Variants in GABRB1 observed in about 807,000 individuals in gnomAD.
The protein encoded by GABRB1 is gamma-aminobutyric acid type A receptor subunit beta1.
Under a neutral mutation model 51.6 loss-of-function variants are expected in GABRB1, and 17 were observed. The ratio of observed to expected loss-of-function variants is 0.33; its 90% CI spans 0.23 to 0.49. The LOEUF is 0.49. Among genes scored for constraint, GABRB1 ranks in the 20% least tolerant of loss-of-function variants. The pLI is 0.99. For synonymous variants in GABRB1, 247 were observed against 218.9 expected (o/e 1.13, Z -1.14); for missense variants, 410 against 600.6 (o/e 0.68, Z 3.32).
chr4:47,296,288 G>C (rs1432152202), intron 4 of GABRB1, among the ~76,000 whole-genome samples: 1 of 152,118 alleles, frequency 6.6e-6, no homozygotes, highest in South Asian at 2.1e-4. Context: ...TGAGCTAAAT[G>C]CTCCAATTAG....
chr4:47,310,126 C>T (rs1293549162), intron 4 of GABRB1, among the ~76,000 whole-genome samples: 4 of 152,160 alleles, frequency 2.6e-5, no homozygotes, highest in African/African-American at 9.7e-5. Context: ...TCTTGCATTG[C>T]AATCCTGAGT....
intron 4 of GABRB1, among the ~76,000 whole-genome samples, chr4:47,298,770 T>C (rs971889071): frequency 4.6e-5 from 7 of 152,154 alleles, no homozygotes; most frequent in East Asian, 1.9e-4. Flanking sequence ...AAAAAGAACC[T>C]GCATTGCCAA....
At chr4:47,164,505 C>T (rs768336793) in intron 4 of GABRB1, among the ~76,000 whole-genome samples, 30 of 152,072 alleles carry the variant, frequency 2.0e-4, no homozygotes, top group Non-Finnish European at 4.0e-4. Flanking sequence ...TCCTTTCCAT[C>T]AGTCCAGCTC....
At chr4:47,137,394 C>T (rs912825203) in intron 3 of GABRB1, among the ~76,000 whole-genome samples, 19 of 152,000 alleles carry the variant, frequency 1.3e-4, no homozygotes, top group African/African-American at 4.3e-4. Flanking sequence ...ACAGAACAGA[C>T]AGGTGATAAA....
At chr4:47,094,012 C>G in intron 3 of GABRB1, among the ~76,000 whole-genome samples, 1 of 151,726 alleles carries the variant, frequency 6.6e-6, no homozygotes, top group Admixed American at 6.6e-5. Flanking sequence ...TATTCCATAA[C>G]ATTCTCCCAG....
At chr4:47,177,730 T>G (rs1008774525) in intron 4 of GABRB1, among the ~76,000 whole-genome samples, 3 of 152,022 alleles carry the variant, frequency 2.0e-5, no homozygotes, top group Non-Finnish European at 4.4e-5. Flanking sequence ...TCTCTGAGCC[T>G]CAGTTTCCTC....
At chr4:47,084,677 A>T (rs1299034675) in intron 3 of GABRB1, among the ~76,000 whole-genome samples, 7 of 152,158 alleles carry the variant, frequency 4.6e-5, no homozygotes, top group Admixed American at 1.3e-4. Context: ...TGAGCTTCCC[A>T]TCTCTCAGGT....
chr4:47,154,098 G>A (rs1236161396), intron 3 of GABRB1, among the ~76,000 whole-genome samples: 1 of 152,036 alleles, frequency 6.6e-6, no homozygotes, highest in African/African-American at 2.4e-5. Flanking sequence ...TTCTGCTTTA[G>A]AATGTACTTA....
At chr4:47,415,213 A>C (rs1433768076) in intron 8 of GABRB1, among the ~76,000 whole-genome samples, 1 of 152,224 alleles carries the variant, frequency 6.6e-6, no homozygotes, top group Non-Finnish European at 1.5e-5. Context: ...AACTGGTTTA[A>C]GAATAAAAGA....
intron 5 of GABRB1, among the ~76,000 whole-genome samples, chr4:47,339,514 G>A (rs1265194758): frequency 1.3e-5 from 2 of 150,332 alleles, no homozygotes; most frequent in Non-Finnish European, 2.9e-5. Context: ...AGAAAGTAAT[G>A]ACATATTTAT....
intron 4 of GABRB1, among the ~76,000 whole-genome samples, chr4:47,173,091 T>A (rs1490661363): frequency 6.6e-6 from 1 of 152,166 alleles, no homozygotes; most frequent in Non-Finnish European, 1.5e-5. Flanking sequence ...CAAAAATTCA[T>A]GTAAATTCTA....
chr4:47,286,906 C>G (rs1375360213), intron 4 of GABRB1, among the ~76,000 whole-genome samples: 1 of 152,170 alleles, frequency 6.6e-6, no homozygotes, highest in Non-Finnish European at 1.5e-5. Context: ...ACATGGCCAC[C>G]CATTAGCAAC....
At chr4:47,256,787 A>G (rs1418474609) in intron 4 of GABRB1, among the ~76,000 whole-genome samples, 1 of 152,170 alleles carries the variant, frequency 6.6e-6, no homozygotes, top group African/African-American at 2.4e-5. Flanking sequence ...CATACCCATG[A>G]TCTTATCACC....
chr4:47,193,333 G>A (rs2109786111), intron 4 of GABRB1, among the ~76,000 whole-genome samples: 1 of 152,260 alleles, frequency 6.6e-6, no homozygotes, highest in Non-Finnish European at 1.5e-5. Context: ...CATTGGTCAG[G>A]CTGATCTGGA....
intron 3 of GABRB1, among the ~76,000 whole-genome samples, chr4:47,112,383 C>A (rs909491820): frequency 6.6e-6 from 1 of 152,290 alleles, no homozygotes; most frequent in South Asian, 2.1e-4. Context: ...GGATTACAGG[C>A]GTGAGCCGCC....
At chr4:47,204,123 A>AT (rs1448164567) in intron 4 of GABRB1, among the ~76,000 whole-genome samples, 1 of 152,130 alleles carries the variant, frequency 6.6e-6, no homozygotes, top group African/African-American at 2.4e-5. Context: ...AAATCACTAT[A>AT]TTTTTGATGA....
Position 47,225,967 on chromosome 4 carries a change from C to T in GABRB1, c.461+64498C>T, listed in dbSNP as rs73815416. 7.8e-3 allele frequency among the ~76,000 whole-genome samples: 1,187 copies of T among 152,182 alleles called. 13 individuals are homozygous for T. The highest frequency in any genetic ancestry group is 0.027 in the African/African-American group (1,118 of 41,520). On this transcript the variant is annotated intron_variant, in intron 4 of 8. Coordinates refer to ENST00000295454, the MANE Select transcript of GABRB1 (RefSeq NM_000812.4). ...CTTCAACCCCCCACCAGTGTACTGG[C>T]TGTGAATTCCACTTTATCATGACCA...
chr4:47,080,509 C>T (rs1355458171), intron 3 of GABRB1, among the ~76,000 whole-genome samples: 3 of 152,108 alleles, frequency 2.0e-5, no homozygotes, highest in Non-Finnish European at 4.4e-5. Context: ...GACAAATGAA[C>T]ACATTAGCAT....
At chr4:47,211,588 G>T (rs756372110) in intron 4 of GABRB1, among the ~76,000 whole-genome samples, 2 of 152,132 alleles carry the variant, frequency 1.3e-5, no homozygotes, top group Admixed American at 6.5e-5. Flanking sequence ...AACCGTTACC[G>T]CTCTAGGCTT....
Sources: gnomAD v4.1 joint callset for allele counts (sites outside exome capture counted in the v4.1 genomes callset) on GRCh38, gnomAD v4.1.1 for gene constraint, MANE v1.5 for transcripts, NCBI Gene and HGNC (gene_info 2026-07-23, HGNC 2026-07-21) for gene names.